The following SCAF11 variants were observed in gnomAD, a reference collection of about 807,000 sequenced individuals.
The protein encoded by SCAF11 is SR-related CTD associated factor 11.
SCAF11 carries 47 observed loss-of-function variants against 140.5 expected under a neutral mutation model. The ratio of observed to expected loss-of-function variants is 0.33; its 90% CI spans 0.26 to 0.43. SCAF11 has a LOEUF of 0.43. Among genes scored for constraint, SCAF11 ranks in the 20% least tolerant of loss-of-function variants. The probability of loss-of-function intolerance (pLI) is 1.00; values close to 1 mark genes in which losing one functional copy is unlikely to be tolerated. For synonymous variants in SCAF11, 557 were observed against 579.4 expected, an observed-to-expected ratio of 0.96 and a Z score of 0.55; for missense variants, 1,645 against 1,705.1, an observed-to-expected ratio of 0.96 and a Z score of 0.62.
Position 45,951,661 on chromosome 12 carries a change from C to T in SCAF11, c.286G>A (p.Gly96Ser). ...ATAAAAAGACTTACCTTAACATAAC[C>T]TTCCAATGCACTGAATTTAAACACT... is the stretch of plus-strand genomic sequence containing the variant. ...QAVFKFSALE[G>S]YVKVQVKKQL... Residue 96 changes from glycine (G) to serine (S), a missense_variant, in exon 4 of 15, where the codon GGT (glycine) becomes AGT (serine). Physicochemically the swap from Gly to Ser is moderately conservative, Grantham distance 56 (BLOSUM62 0). This residue lies in a region of SCAF11 where 1,582 missense variants were observed against 1,609.2 expected (regional missense o/e 0.98). Coordinates refer to ENST00000369367, the MANE Select transcript of SCAF11 (RefSeq NM_004719.3). 1 of 1,582,504 alleles carries T rather than the reference C, an allele frequency of 6.3e-7. No individual in the cohort carries two copies.
intron 1 of SCAF11, chr12:45,975,148 C>T (rs1946205714): frequency 6.6e-6 from 1 of 152,164 alleles, no homozygotes; most frequent in South Asian, 2.1e-4. Flanking sequence ...GTGCTGTCAT[C>T]CAAGCTTTGT....
At chr12:45,945,079 CA>C (rs1945388727) in intron 6 of SCAF11, 169 bp downstream of exon 6, 1 of 574,312 alleles carries the variant, frequency 1.7e-6, no homozygotes, top group Non-Finnish European at 3.0e-6. Context: ...GGGCAGAAAA[CA>C]GTATAAATTG....
intron 1 of SCAF11, among the ~76,000 whole-genome samples, chr12:45,989,488 T>C (rs564280393): frequency 6.6e-6 from 1 of 152,392 alleles, no homozygotes; most frequent in South Asian, 2.1e-4. Context: ...TTGGAAGTAT[T>C]TCAAAATTCA....
chr12:45,948,557 A>G lies in SCAF11; in HGVS notation c.298-20T>C. 1 of 1,402,786 alleles carries G rather than the reference A, an allele frequency of 7.1e-7. No homozygotes were observed. Among genetic ancestry groups the G allele is most frequent in the Non-Finnish European group, 1.0e-6 (1 of 998,386 alleles). 86.9% of individuals were successfully genotyped at this position (1,402,786 alleles called of 1,614,324 possible). A position where few individuals can be genotyped will look rare whatever the true frequency, so the allele number is the denominator to read the frequency against. ...TTGAACCTATGAGAAAAGCAAAATC[A>G]ATTTAGAGCAACAATCCAGCCTTAC... On this transcript the variant is annotated intron_variant, in intron 4 of 14. Transcript: ENST00000369367.
At chr12:45,985,881 AG>A (rs1946449454) in intron 1 of SCAF11, among the ~76,000 whole-genome samples, 1 of 152,082 alleles carries the variant, frequency 6.6e-6, no homozygotes, top group Non-Finnish European at 1.5e-5. Context: ...AATTTTTTTT[AG>A]TTCTTACCTT....
chr12:45,952,917 G>GT, intron 3 of SCAF11, among the ~76,000 whole-genome samples: 1 of 152,252 alleles, frequency 6.6e-6, no homozygotes, highest in South Asian at 2.1e-4. Flanking sequence ...GTTTTACCAC[G>GT]TATCAAGACA....
intron 3 of SCAF11, among the ~76,000 whole-genome samples, chr12:45,958,168 G>A (rs1409744816): frequency 6.6e-6 from 1 of 151,974 alleles, no homozygotes; most frequent in Admixed American, 6.6e-5. Flanking sequence ...GCCTCCCAAA[G>A]TGCTGGGATT....
intron 1 of SCAF11, chr12:45,974,390 A>G (rs1043246478): frequency 2.8e-6 from 1 of 355,820 alleles, no homozygotes; most frequent in African/African-American, 2.1e-5. Context: ...CTTTCACAAA[A>G]AATTTCTCTG....
chr12:45,965,907 T>A (rs1209969946), intron 1 of SCAF11, among the ~76,000 whole-genome samples: 1 of 152,214 alleles, frequency 6.6e-6, no homozygotes, highest in Non-Finnish European at 1.5e-5. Context: ...AGAAACTTAG[T>A]AGCATATGTA....
chr12:45,924,389 C>G (rs990830706), intron 12 of SCAF11, among the ~76,000 whole-genome samples: 2 of 152,078 alleles, frequency 1.3e-5, no homozygotes, highest in African/African-American at 4.8e-5. Flanking sequence ...ACCCCCTAAA[C>G]AGTGCAAAAC....
At chr12:45,953,249 A>AT (rs34665170) in intron 3 of SCAF11, among the ~76,000 whole-genome samples, 1 of 152,348 alleles carries the variant, frequency 6.6e-6, no homozygotes, top group Admixed American at 6.5e-5. Flanking sequence ...AAGTTCATAT[A>AT]TTTTTTAATA....
rs1283703059 is a variant in SCAF11, at chr12:45,922,733, T to C, written c.4126-151A>G. On this transcript the variant is annotated intron_variant, in intron 13 of 14. Coordinates refer to ENST00000369367, the MANE Select transcript of SCAF11 (RefSeq NM_004719.3). ...ATAAAACAGTTTATTTACTAAAACA[T>C]ATCAAACATTTCTAAAAACAATTAT... 10 of 910,272 alleles carry C rather than the reference T, an allele frequency of 1.1e-5. No individual in the cohort carries two copies. The East Asian group carries it at 2.1e-4, about 19-fold the overall frequency. 56.4% of individuals were successfully genotyped at this position (910,272 alleles called of 1,614,324 possible). A position where few individuals can be genotyped will look rare whatever the true frequency, so the allele number is the denominator to read the frequency against.
Position 45,979,446 on chromosome 12 carries a change from A to T in SCAF11, c.-22+10907T>A, listed in dbSNP as rs184339370. ...TTCAAAACACTGCTTCTGAAATTCT[A>T]CCCCGTTCTGTTTAAACAAGATTTT... On this transcript the variant is annotated intron_variant, in intron 1 of 14. Coordinates refer to ENST00000369367, the MANE Select transcript of SCAF11 (RefSeq NM_004719.3). Among the ~76,000 whole-genome samples, 14 of 152,168 alleles carry T rather than the reference A, an allele frequency of 9.2e-5. No homozygotes were observed. The East Asian group carries it at 2.5e-3, about 27-fold the overall frequency.
At chr12:45,940,195 T>C (rs189160830) in intron 6 of SCAF11, among the ~76,000 whole-genome samples, 1 of 152,260 alleles carries the variant, frequency 6.6e-6, no homozygotes, top group Non-Finnish European at 1.5e-5. Context: ...GCAAAAACTC[T>C]TAAAGGTTCT....
At chr12:45,953,827 C>A (rs540886460) in intron 3 of SCAF11, 33 of 805,956 alleles carry the variant, frequency 4.1e-5, no homozygotes, top group South Asian at 4.1e-4. Flanking sequence ...AAATAACTTA[C>A]CTCTAAGGTT....
At chr12:45,934,570 A>C (rs1256594711) in intron 6 of SCAF11, 65 bp from the exon 7 acceptor site, 16 of 1,068,588 alleles carry the variant, frequency 1.5e-5, no homozygotes, top group Non-Finnish European at 1.5e-5. Context: ...GCTGTAAACC[A>C]GCATCGATAC....
At chr12:45,964,239 T>C (rs1168450857) in intron 1 of SCAF11, 51 bp from the exon 2 acceptor site, 3 of 839,760 alleles carry the variant, frequency 3.6e-6, no homozygotes, top group African/African-American at 3.5e-5. Flanking sequence ...CTCCCAATAA[T>C]ATCAATTAAA....
intron 1 of SCAF11, among the ~76,000 whole-genome samples, chr12:45,972,913 TATATATAG>T (rs1302266187): frequency 3.3e-5 from 3 of 90,484 alleles, no homozygotes; most frequent in South Asian, 2.7e-4. Context: ...TATATAGATA[TATATATAG>T]ATATATAGAT....
At chr12:45,972,907 TAG>T (rs1225207754) in intron 1 of SCAF11, among the ~76,000 whole-genome samples, 2 of 91,204 alleles carry the variant, frequency 2.2e-5, no homozygotes, top group African/African-American at 4.7e-5. Context: ...TATATATATA[TAG>T]ATATATATAT....
Sources: allele counts gnomAD v4.1 joint callset (sites outside exome capture counted in the v4.1 genomes callset), GRCh38; gene constraint gnomAD v4.1.1; regional missense constraint gnomAD v4.1.1; transcripts MANE v1.5; gene names NCBI Gene and HGNC (gene_info 2026-07-23, HGNC 2026-07-21).